NKIRAS1: variants seen among roughly 807,000 people sequenced by gnomAD.
NKIRAS1 encodes the protein NFKB inhibitor interacting Ras like 1.
In NKIRAS1, 16 loss-of-function variants were observed where a neutral mutation model predicts 19.8. That is an observed-to-expected ratio of 0.81 (90% CI 0.55 to 1.23). The LOEUF is 1.23. Among genes scored for constraint, NKIRAS1 ranks in the 50% most tolerant of loss-of-function variants. NKIRAS1 has a pLI of 0.00. For synonymous variants in NKIRAS1, 88 were observed against 79.0 expected (o/e 1.11, Z -0.61); for missense variants, 184 against 220.0 (o/e 0.84, Z 1.04).
chr3:23,928,292 A>AAATG lies in NKIRAS1; in HGVS notation c.-139-16843_-139-16842insCATT, dbSNP rs1705244862. 9.5e-5 allele frequency among the ~76,000 whole-genome samples: 3 copies of AAATG among 31,640 alleles called. No homozygotes were observed. In the South Asian group the frequency reaches 3.1e-3, roughly 33 times the overall value. 20.8% of individuals were successfully genotyped at this position (31,640 alleles called of 152,430 possible). A position where few individuals can be genotyped will look rare whatever the true frequency, so the allele number is the denominator to read the frequency against. The stretch of plus-strand genomic sequence containing the variant: ...GCAACAGAGCAAGACTCTGTCTCAA[A>AAATG]AATAAATAAATAAATAAATAAATAA... On this transcript the variant is annotated intron_variant, in intron 1 of 4. Coordinates refer to the NKIRAS1 transcript ENST00000421515.
chr3:23,906,214 T>C (rs1703047635), intron 3 of NKIRAS1, among the ~76,000 whole-genome samples: 1 of 146,848 alleles, frequency 6.8e-6, no homozygotes, highest in South Asian at 2.1e-4. Context: ...TCCATGATGA[T>C]GGTGGCACAG....
At chr3:23,936,732 G>A (rs35136361) in intron 1 of NKIRAS1, among the ~76,000 whole-genome samples, 19,742 of 152,092 alleles carry the variant, frequency 0.13, 1,802 homozygotes, top group African/African-American at 0.25. Flanking sequence ...ATTTTTACTA[G>A]AGATGAGAGT....
Position 23,891,558 on chromosome 3 carries a change from T to G in NKIRAS1, c.*1537A>C, listed in dbSNP as rs1050104729. ...CCTACTGCATCTTTTTAAAAGCATTTTCTGACTTGCAGATGCTGTAGTAGC... is the reference window on the plus strand; with the variant it reads ...CCTACTGCATCTTTTTAAAAGCATTGTCTGACTTGCAGATGCTGTAGTAGC... On this transcript the variant is annotated 3_prime_UTR_variant, in exon 5 of 5. Coordinates refer to ENST00000425478, the MANE Select transcript of NKIRAS1 (RefSeq NM_020345.4). 1 of 152,186 alleles carries G rather than the reference T, an allele frequency of 6.6e-6. No individual in the cohort carries two copies. Among genetic ancestry groups the G allele is most frequent in the African/African-American group, 2.4e-5 (1 of 41,444 alleles). 9.4% of individuals were successfully genotyped at this position (152,186 alleles called of 1,614,324 possible).
At chr3:23,944,887 C>T (rs959938595) in intron 1 of NKIRAS1, among the ~76,000 whole-genome samples, 1 of 151,934 alleles carries the variant, frequency 6.6e-6, no homozygotes, top group Non-Finnish European at 1.5e-5. Context: ...ACCAGCCGGC[C>T]CAGCCGGGGT....
chr3:23,918,614 C>T (rs1424197273), upstream of NKIRAS1: 8 of 1,598,592 alleles, frequency 5.0e-6, no homozygotes, highest in South Asian at 5.6e-5. Context: ...TGAATACTGC[C>T]TGGGGATGGT....
At chr3:23,913,243 T>G (rs1703962734) in intron 1 of NKIRAS1, among the ~76,000 whole-genome samples, 1 of 152,124 alleles carries the variant, frequency 6.6e-6, no homozygotes, top group African/African-American at 2.4e-5. Context: ...GAAGTCTTCA[T>G]CATGGGCAAA....
At chr3:23,895,458 T>C (rs1701886050) in intron 4 of NKIRAS1, among the ~76,000 whole-genome samples, 1 of 152,146 alleles carries the variant, frequency 6.6e-6, no homozygotes, top group Non-Finnish European at 1.5e-5. Flanking sequence ...ACTACCTTTA[T>C]CATTGTCCTT....
chr3:23,943,327 G>A (rs1043390976), intron 1 of NKIRAS1, among the ~76,000 whole-genome samples: 3 of 152,124 alleles, frequency 2.0e-5, no homozygotes, highest in African/African-American at 7.2e-5. Flanking sequence ...CCGCCTTCCG[G>A]GTTCAAGCGA....
At chr3:23,940,457 T>C (rs1385765279) in intron 1 of NKIRAS1, among the ~76,000 whole-genome samples, 1 of 152,158 alleles carries the variant, frequency 6.6e-6, no homozygotes, top group African/African-American at 2.4e-5. Context: ...TCATAAGCTA[T>C]TATTATTGCA....
At chr3:23,905,880 C>A (rs1486098068) in intron 3 of NKIRAS1, among the ~76,000 whole-genome samples, 1 of 151,732 alleles carries the variant, frequency 6.6e-6, no homozygotes, top group Admixed American at 6.6e-5. Flanking sequence ...AGGGAGAGGC[C>A]GGGTGCAGTG....
In NKIRAS1 at chr3:23,916,924, C is replaced by G. The variant is rs1042950150; in HGVS notation, c.-280G>C. ...TTAGCCGCCGAGACCTCGCCGCCAA[C>G]TCTCTCACCTCTCGAGACGCCCAGG... On this transcript the variant is annotated 5_prime_UTR_variant, in exon 1 of 5. Coordinates refer to ENST00000425478, the MANE Select transcript of NKIRAS1 (RefSeq NM_020345.4). The G allele has an allele frequency of 1.3e-5, 2 of 152,716 alleles. No individual in the cohort carries two copies. The highest frequency in any genetic ancestry group is 2.4e-5 in the African/African-American group (1 of 41,470). 9.5% of individuals were successfully genotyped at this position (152,716 alleles called of 1,614,324 possible). A position where few individuals can be genotyped will look rare whatever the true frequency, so the allele number is the denominator to read the frequency against.
intron 1 of NKIRAS1, among the ~76,000 whole-genome samples, chr3:23,925,639 A>C (rs1705200154): frequency 6.6e-6 from 1 of 151,896 alleles, no homozygotes; most frequent in East Asian, 1.9e-4. Flanking sequence ...GTCTCAAAAA[A>C]ATAAATAAAT....
chr3:23,919,963 T>C (rs1704980531), upstream of NKIRAS1: 5 of 988,664 alleles, frequency 5.1e-6, no homozygotes, highest in Non-Finnish European at 6.0e-6. Context: ...TGAAGAAAAT[T>C]GCCTCAGCCT....
At chr3:23,938,436 C>A (rs1021606415) in intron 1 of NKIRAS1, among the ~76,000 whole-genome samples, 1 of 151,970 alleles carries the variant, frequency 6.6e-6, no homozygotes, top group African/African-American at 2.4e-5. Context: ...GGTCTTGAAC[C>A]CTTGGGCTTA....
At chr3:23,930,906 A>T (rs1336517404) in intron 1 of NKIRAS1, among the ~76,000 whole-genome samples, 1 of 131,292 alleles carries the variant, frequency 7.6e-6, no homozygotes, top group Admixed American at 8.5e-5. Flanking sequence ...GAATTTTGCC[A>T]TGTTGCCCAG....
At chr3:23,916,750 C>A (rs1486103818) in intron 1 of NKIRAS1, 34 bp downstream of exon 1, 1 of 134,332 alleles carries the variant, frequency 7.4e-6, no homozygotes, top group Non-Finnish European at 1.6e-5. Context: ...GCAGAGACTC[C>A]GCAGGGGGAG....
chr3:23,922,812 AT>A lies in NKIRAS1; in HGVS notation c.-139-11363del. 1 of 151,846 alleles carries A rather than the reference AT, an allele frequency of 6.6e-6. No individual in the cohort carries two copies. Among genetic ancestry groups the A allele is most frequent in the Non-Finnish European group, 1.5e-5 (1 of 67,938 alleles). 9.4% of individuals were successfully genotyped at this position (151,846 alleles called of 1,614,324 possible). A position where few individuals can be genotyped will look rare whatever the true frequency, so the allele number is the denominator to read the frequency against. On this transcript the variant is annotated intron_variant, in intron 1 of 4. Coordinates refer to the NKIRAS1 transcript ENST00000421515. This position sits in a 1 kb window ranked among gnomAD's most constrained non-coding sequence, Gnocchi z 4.2. ...GAGGCAAGGTGATCAGTTTAACAAT[AT>A]TTTTTTATTTTGAGACAGGGTCTCA...
intron 1 of NKIRAS1, among the ~76,000 whole-genome samples, chr3:23,913,475 C>G (rs1033821623): frequency 6.6e-6 from 1 of 152,170 alleles, no homozygotes; most frequent in African/African-American, 2.4e-5. Flanking sequence ...CTACATAAAG[C>G]AGATGAGTGC....
intron 3 of NKIRAS1, among the ~76,000 whole-genome samples, chr3:23,905,650 G>C (rs567215205): frequency 6.6e-6 from 1 of 152,200 alleles, no homozygotes; most frequent in African/African-American, 2.4e-5. Flanking sequence ...GAAATCACAA[G>C]CACAATTAGT....
Sources: gnomAD v4.1 joint callset for allele counts (sites outside exome capture counted in the v4.1 genomes callset) on GRCh38, gnomAD v4.1.1 for gene constraint, Gnocchi (gnomAD v3.1) non-coding constraint, MANE v1.5 for transcripts, NCBI Gene and HGNC (gene_info 2026-07-23, HGNC 2026-07-21) for gene names.